Variants in ANGPTL5 observed in about 807,000 individuals in gnomAD.
The protein encoded by ANGPTL5 is angiopoietin-related protein 5.
In ANGPTL5, 34 loss-of-function variants were observed where a neutral mutation model predicts 39.4. The observed-to-expected ratio is 0.86, with a 90% CI of 0.66 to 1.15. The LOEUF is 1.15. Among genes scored for constraint, ANGPTL5 ranks in the 50% most tolerant of loss-of-function variants. The probability of loss-of-function intolerance (pLI) is 0.00; values close to 1 mark genes in which losing one functional copy is unlikely to be tolerated. For synonymous variants in ANGPTL5, 146 were observed against 152.1 expected, an observed-to-expected ratio of 0.96 and a Z score of 0.29; for missense variants, 467 against 457.5, an observed-to-expected ratio of 1.02 and a Z score of -0.19.
chr11:101,894,222 G>T (rs931645564), intron 8 of ANGPTL5, among the ~76,000 whole-genome samples: 24 of 151,988 alleles, frequency 1.6e-4, no homozygotes, highest in Admixed American at 1.2e-3. Context: ...TTTATTTTTT[G>T]ATTTCTAACA....
At chr11:101,895,161 T>C in intron 7 of ANGPTL5, 97 bp from the exon 8 acceptor site, 1 of 1,056,618 alleles carries the variant, frequency 9.5e-7, no homozygotes, top group East Asian at 2.6e-5. Flanking sequence ...TCAAAAACTC[T>C]GAGATGGCTC....
rs773605499 is a variant in ANGPTL5 at position 101,891,640 on chromosome 11, C to A, written c.848-42G>T. 21 of 1,561,438 alleles carry A rather than the reference C, an allele frequency of 1.3e-5. No homozygotes were observed. In the Admixed American group the frequency reaches 2.1e-4, roughly 16 times the overall value. On this transcript the variant is annotated intron_variant, in intron 8 of 8. Coordinates refer to ENST00000334289, the MANE Select transcript of ANGPTL5 (RefSeq NM_178127.5). ...TAATGATCGAATTTAAAGGAAATTT[C>A]TATTATTTTAATTAATCATTACCAG...
At position 101,913,181 on chromosome 11, in the gene ANGPTL5, A is replaced by G. The variant is rs557126546; in HGVS notation, c.-93+2838T>C. ...TCTCCTGATGAGAACATCACCAACC[A>G]TGAGGTGGTTCTGGCCAGTTTAAGA... On this transcript the variant is annotated intron_variant, in intron 1 of 8. Coordinates refer to ENST00000334289, the MANE Select transcript of ANGPTL5 (RefSeq NM_178127.5). Among the ~76,000 whole-genome samples the G allele has an allele frequency of 3.9e-5, 6 of 152,272 alleles. No individual in the cohort carries two copies. The South Asian group carries it at 1.2e-3, about 32-fold the overall frequency.
At chr11:101,904,739 A>T (rs1939967861) in intron 5 of ANGPTL5, 75 bp downstream of exon 5, 8 of 1,318,380 alleles carry the variant, frequency 6.1e-6, no homozygotes, top group Admixed American at 1.7e-5. Context: ...AAACTTTTAA[A>T]TGGATCGACC....
At chr11:101,902,247 A>G (rs1441517940) in intron 6 of ANGPTL5, among the ~76,000 whole-genome samples, 1 of 152,172 alleles carries the variant, frequency 6.6e-6, no homozygotes, top group Non-Finnish European at 1.5e-5. Context: ...GGCAAAGCAC[A>G]CCATTATTTT....
At chr11:101,897,692 C>T (rs1380956862) in intron 7 of ANGPTL5, among the ~76,000 whole-genome samples, 1 of 152,120 alleles carries the variant, frequency 6.6e-6, no homozygotes, top group Non-Finnish European at 1.5e-5. Flanking sequence ...TCTGAGGCCT[C>T]TGTTCTATTC....
In ANGPTL5 at chr11:101,895,083, G is replaced by C. The variant is rs901289356; in HGVS notation, c.662-19C>G. 1.8e-5 allele frequency: 27 copies of C among 1,495,160 alleles called. No individual in the cohort carries two copies. Among genetic ancestry groups the C allele is most frequent in the Non-Finnish European group, 2.5e-5 (27 of 1,090,146 alleles). 92.6% of individuals were successfully genotyped at this position (1,495,160 alleles called of 1,614,324 possible). On this transcript the variant is annotated intron_variant, in intron 7 of 8. Coordinates refer to ENST00000334289, the MANE Select transcript of ANGPTL5 (RefSeq NM_178127.5). The stretch of plus-strand genomic sequence containing the variant: ...AATTCTCCTGTAAAAAAAATGCTTT[G>C]TTTTAATATATTTTAATACAAATTA...
At chr11:101,908,170 T>A (rs956299901) in intron 1 of ANGPTL5, among the ~76,000 whole-genome samples, 169 bp from the exon 2 acceptor site, 3 of 152,188 alleles carry the variant, frequency 2.0e-5, no homozygotes, top group Admixed American at 1.3e-4. Flanking sequence ...TCCAAGCTTT[T>A]GCAATATAGG....
intron 4 of ANGPTL5, 40 bp downstream of exon 4, chr11:101,905,704 G>A (rs770203184): frequency 2.4e-5 from 32 of 1,335,072 alleles, no homozygotes; most frequent in East Asian, 4.6e-5. Flanking sequence ...ATACATCAAC[G>A]TGTACATGCA....
intron 7 of ANGPTL5, among the ~76,000 whole-genome samples, chr11:101,897,746 T>G (rs1195363428): frequency 6.6e-6 from 1 of 152,222 alleles, no homozygotes; most frequent in African/African-American, 2.4e-5. Flanking sequence ...CAAGCTGTTT[T>G]GGTTACTGTA....
chr11:101,897,110 T>C (rs1367665247), intron 7 of ANGPTL5, among the ~76,000 whole-genome samples: 5 of 152,256 alleles, frequency 3.3e-5, no homozygotes, highest in Admixed American at 3.3e-4. Flanking sequence ...TGACCAGTGA[T>C]GACAAGCTTT....
intron 8 of ANGPTL5, 97 bp downstream of exon 8, chr11:101,894,782 T>A (rs1476019741): frequency 8.6e-7 from 1 of 1,169,284 alleles, no homozygotes; most frequent in Non-Finnish European, 1.3e-6. Flanking sequence ...CAGTTATGTG[T>A]TATATACAAA....
chr11:101,893,776 T>C (rs1939745358), intron 8 of ANGPTL5, among the ~76,000 whole-genome samples: 2 of 152,290 alleles, frequency 1.3e-5, no homozygotes, highest in African/African-American at 4.8e-5. Flanking sequence ...TTTCACCTAA[T>C]ATCACAAGTG....
At chr11:101,906,959 G>A (rs1463129135) in intron 3 of ANGPTL5, 144 bp downstream of exon 3, 2 of 615,562 alleles carry the variant, frequency 3.2e-6, no homozygotes, top group Non-Finnish European at 5.5e-6. Context: ...CACCTATTAT[G>A]GGCCAAACAA....
chr11:101,896,567 T>C (rs925901048), intron 7 of ANGPTL5, among the ~76,000 whole-genome samples: 5 of 152,176 alleles, frequency 3.3e-5, no homozygotes, highest in Non-Finnish European at 7.3e-5. Flanking sequence ...CCATGTGTTC[T>C]CATTGTTCAA....
chr11:101,898,642 C>A lies in ANGPTL5; in HGVS notation c.661+1788G>T, dbSNP rs991190163. Among the ~76,000 whole-genome samples, 6 of 152,340 alleles carry A rather than the reference C, an allele frequency of 3.9e-5. No individual in the cohort carries two copies. In the East Asian group the frequency reaches 5.8e-4, roughly 15 times the overall value. On this transcript the variant is annotated intron_variant, in intron 7 of 8. Transcript: ENST00000334289. ...CTAATTGAATACCCTTTATTTATTT[C>A]TCTTGCCTGATTGCCCTGGCCAGAA...
At chr11:101,907,750 C>T in intron 2 of ANGPTL5, 64 bp downstream of exon 2, 3 of 1,067,140 alleles carry the variant, frequency 2.8e-6, no homozygotes, top group Non-Finnish European at 4.2e-6. Context: ...TTTCAAAATT[C>T]TAATATATAT....
intron 7 of ANGPTL5, 93 bp from the exon 8 acceptor site, chr11:101,895,157 A>C: frequency 9.2e-6 from 10 of 1,083,560 alleles, no homozygotes; most frequent in Non-Finnish European, 1.3e-5. Flanking sequence ...CATTTCAAAA[A>C]CTCTGAGATG....
chr11:101,906,499 T>C lies in ANGPTL5; in HGVS notation c.241+604A>G, dbSNP rs564493826. Among the ~76,000 whole-genome samples the C allele has an allele frequency of 6.6e-5, 10 of 152,268 alleles. No individual in the cohort carries two copies. The South Asian group carries it at 2.1e-3, about 32-fold the overall frequency. On this transcript the variant is annotated intron_variant, in intron 3 of 8. Coordinates refer to ENST00000334289, the MANE Select transcript of ANGPTL5 (RefSeq NM_178127.5). ...CCTTTGAGACCATGTTGCCATGATGTACCGTCATGCTATTTCAGTGTATAT... is the reference window on the plus strand; with the variant it reads ...CCTTTGAGACCATGTTGCCATGATGCACCGTCATGCTATTTCAGTGTATAT...
Sources: gnomAD v4.1 joint callset for allele counts (sites outside exome capture counted in the v4.1 genomes callset) on GRCh38, gnomAD v4.1.1 for gene constraint, MANE v1.5 for transcripts, NCBI Gene and HGNC (gene_info 2026-07-23, HGNC 2026-07-21) for gene names.